The following KIF26B variants were observed in gnomAD, a reference collection of about 807,000 sequenced individuals.
KIF26B encodes kinesin family member 26B, also known as kinesin-like protein KIF26B.
A neutral mutation model predicts 151.2 loss-of-function variants in KIF26B; 63 were observed. That is an observed-to-expected ratio of 0.42 (90% CI 0.34 to 0.51). KIF26B has a LOEUF of 0.51. Ranked by LOEUF, KIF26B falls within the 20% of genes least tolerant of loss-of-function variation. The probability of loss-of-function intolerance (pLI) is 0.07; values close to 1 mark genes in which losing one functional copy is unlikely to be tolerated. For missense variants in KIF26B, 2,813 were observed against 2,913.6 expected, an observed-to-expected ratio of 0.97 and a Z score of 0.79; for synonymous variants, 1,357 against 1,262.1, an observed-to-expected ratio of 1.08 and a Z score of -1.59.
intron 10 of KIF26B, among the ~76,000 whole-genome samples, chr1:245,652,102 C>CTGTGTG (rs56893913): frequency 0.016 from 2,118 of 136,372 alleles, 29 homozygotes; most frequent in South Asian, 0.051. Flanking sequence ...ATGTAAGAAT[C>CTGTGTG]TGTGTGTGTG....
At chr1:245,317,373 C>A (rs543340204) in intron 2 of KIF26B, among the ~76,000 whole-genome samples, 2 of 152,284 alleles carry the variant, frequency 1.3e-5, no homozygotes, top group African/African-American at 4.8e-5. Context: ...TTGTTGCTAT[C>A]CCCCAGGGTT....
At chr1:245,531,416 G>A (rs1233488888) in intron 4 of KIF26B, among the ~76,000 whole-genome samples, 7 of 152,076 alleles carry the variant, frequency 4.6e-5, no homozygotes, top group East Asian at 3.9e-4. Flanking sequence ...GCCAGGCCTC[G>A]TTCTTTTTTT....
rs199745696 is a variant in KIF26B at position 245,685,950 on chromosome 1, C to A, written c.2967C>A (p.Thr989=). The A allele has an allele frequency of 2.9e-5, 47 of 1,608,616 alleles. 1 individual carries two copies. The East Asian group carries it at 9.2e-4, about 31-fold the overall frequency. Residue 989 remains threonine, a synonymous_variant, in exon 12 of 15, where the codon ACC becomes ACA. Transcript: ENST00000407071. The part of the protein sequence containing the change: ...KEDNGSEGQL[T]NREGPELPAS... ...ATAATGGGTCCGAAGGTCAGCTGAC[C>A]AACAGAGAAGGCCCTGAACTCCCAG...
At chr1:245,325,074 G>A (rs551152523) in intron 2 of KIF26B, among the ~76,000 whole-genome samples, 13 of 133,564 alleles carry the variant, frequency 9.7e-5, no homozygotes, top group African/African-American at 2.9e-4. Flanking sequence ...CAGCCTGGAC[G>A]ACAAAGCCAG....
chr1:245,548,945 A>C (rs2103107817), intron 5 of KIF26B, among the ~76,000 whole-genome samples: 1 of 152,158 alleles, frequency 6.6e-6, no homozygotes, highest in Admixed American at 6.5e-5. Context: ...GGGTTTCACC[A>C]TGTTGGCCAG....
Position 245,204,250 on chromosome 1 carries a change from G to A in KIF26B, c.465+47567G>A, listed in dbSNP as rs759674502. Among the ~76,000 whole-genome samples, 8 of 152,318 alleles carry A rather than the reference G, an allele frequency of 5.3e-5. No homozygotes were observed. In the East Asian group the frequency reaches 1.3e-3, roughly 26 times the overall value. ...ATGAAAACGGCACTGGGGCTTCATG[G>A]ATGGTAATAATTCATACAGGAGACT... On this transcript the variant is annotated intron_variant, in intron 2 of 14. Transcript: ENST00000407071.
At chr1:245,302,521 G>C (rs954616687) in intron 2 of KIF26B, among the ~76,000 whole-genome samples, 3 of 152,168 alleles carry the variant, frequency 2.0e-5, no homozygotes, top group African/African-American at 7.2e-5. Context: ...ATAGAGTGTT[G>C]AAGGCAGTGG....
chr1:245,158,870 G>GTGTGTGTGTGTGTGTGTGGT (rs556695816), intron 2 of KIF26B, among the ~76,000 whole-genome samples: 121 of 42,646 alleles, frequency 2.8e-3, no homozygotes, highest in African/African-American at 8.4e-3. Flanking sequence ...GTGTGTGTGT[G>GTGTGTGTGTGTGTGTGTGGT]GTGTGTGTTT....
intron 10 of KIF26B, 96 bp downstream of exon 10, chr1:245,646,376 C>T: frequency 7.8e-7 from 1 of 1,289,000 alleles, no homozygotes; most frequent in Non-Finnish European, 1.1e-6. Flanking sequence ...CACAGAGGGA[C>T]AGCCTGGACC....
chr1:245,486,241 A>G (rs1165286136), intron 4 of KIF26B, among the ~76,000 whole-genome samples: 1 of 152,242 alleles, frequency 6.6e-6, no homozygotes, highest in Non-Finnish European at 1.5e-5. Flanking sequence ...TTATGAAATC[A>G]GTGAGAAACT....
chr1:245,548,889 A>G (rs6428934), intron 5 of KIF26B, among the ~76,000 whole-genome samples: 117,096 of 151,876 alleles, frequency 0.77, 45,414 homozygotes, highest in African/African-American at 0.84. Flanking sequence ...GATTACAGGC[A>G]CCCGCCACCA....
intron 2 of KIF26B, among the ~76,000 whole-genome samples, chr1:245,252,986 T>C (rs1413686278): frequency 6.6e-6 from 1 of 151,870 alleles, no homozygotes; most frequent in Non-Finnish European, 1.5e-5. Context: ...TCTACATCCA[T>C]TGAGGTGATA....
At chr1:245,691,969 T>G (rs1426421863) in intron 12 of KIF26B, among the ~76,000 whole-genome samples, 1 of 152,180 alleles carries the variant, frequency 6.6e-6, no homozygotes, top group Non-Finnish European at 1.5e-5. Flanking sequence ...GTGTGACCTT[T>G]GGGGAATAAC....
chr1:245,358,293 G>A lies in KIF26B; in HGVS notation c.466-8541G>A, dbSNP rs1214434000. The stretch of plus-strand genomic sequence containing the variant: ...GTAAGTTTAAGAAAACACAGCCAAG[G>A]GCGGATCATGAGGTCAGGAAATCGA... On this transcript the variant is annotated intron_variant, in intron 2 of 14. Transcript: ENST00000407071. The surrounding 1 kb of genome is among the most constrained non-coding windows in gnomAD (Gnocchi z 4.1). Among the ~76,000 whole-genome samples, 2 of 152,136 alleles carry A rather than the reference G, an allele frequency of 1.3e-5. No individual in the cohort carries two copies. Among genetic ancestry groups the A allele is most frequent in the Non-Finnish European group, 2.9e-5 (2 of 68,028 alleles).
At chr1:245,532,248 C>CTTTTCTTTTTT (rs374051918) in intron 4 of KIF26B, among the ~76,000 whole-genome samples, 1 of 121,484 alleles carries the variant, frequency 8.2e-6, no homozygotes, top group African/African-American at 3.3e-5. Flanking sequence ...CTTTTCTTTT[C>CTTTTCTTTTTT]TTTTTTTTTT....
chr1:245,598,885 G>A (rs2043362044), intron 5 of KIF26B, among the ~76,000 whole-genome samples: 1 of 152,236 alleles, frequency 6.6e-6, no homozygotes, highest in East Asian at 1.9e-4. Context: ...TTGAATCAGG[G>A]TGTCAGGGGG....
At chr1:245,269,618 C>G (rs879547246) in intron 2 of KIF26B, among the ~76,000 whole-genome samples, 1 of 151,894 alleles carries the variant, frequency 6.6e-6, no homozygotes, top group Admixed American at 6.6e-5. Context: ...GCGCCTGCCA[C>G]CACGCCAAGC....
intron 2 of KIF26B, among the ~76,000 whole-genome samples, chr1:245,221,093 T>G (rs1239158466): frequency 6.6e-6 from 1 of 152,174 alleles, no homozygotes; most frequent in Non-Finnish European, 1.5e-5. Flanking sequence ...AAGTGACATT[T>G]GTATAAATAA....
intron 4 of KIF26B, among the ~76,000 whole-genome samples, chr1:245,451,585 CTTTTTTTTT>C (rs58192966): frequency 1.7e-5 from 1 of 58,740 alleles, no homozygotes; most frequent in African/African-American, 7.1e-5. Flanking sequence ...GAAGATCTAT[CTTTTTTTTT>C]TTTTTTTTTT....
Sources: allele counts gnomAD v4.1 joint callset (sites outside exome capture counted in the v4.1 genomes callset), GRCh38; gene constraint gnomAD v4.1.1; non-coding constraint Gnocchi (gnomAD v3.1); transcripts MANE v1.5; gene names NCBI Gene and HGNC (gene_info 2026-07-23, HGNC 2026-07-21).